ANGPT2: variants seen among roughly 807,000 people sequenced by gnomAD.
ANGPT2 encodes the protein angiopoietin-2.
A neutral mutation model predicts 62.9 loss-of-function variants in ANGPT2; 28 were observed. The observed-to-expected ratio is 0.44, with a 90% CI of 0.33 to 0.61. The LOEUF (loss-of-function observed/expected upper bound fraction) is 0.61. Among genes scored for constraint, ANGPT2 ranks in the 20% least tolerant of loss-of-function variants. ANGPT2 has a pLI of 0.03. For missense variants in ANGPT2, 727 were observed against 594.9 expected (o/e 1.22, Z -2.31); for synonymous variants, 284 against 207.8 (o/e 1.37, Z -3.15).
intron 1 of ANGPT2, among the ~76,000 whole-genome samples, chr8:6,541,458 A>G (rs952414383): frequency 6.6e-6 from 1 of 152,102 alleles, no homozygotes; most frequent in South Asian, 2.1e-4. Context: ...TTTCTAGTAG[A>G]TTGGGGCAGG....
At chr8:6,505,823 A>G (rs1563308542) in intron 8 of ANGPT2, among the ~76,000 whole-genome samples, 3 of 139,906 alleles carry the variant, frequency 2.1e-5, no homozygotes, top group Non-Finnish European at 4.6e-5. Flanking sequence ...ATATATGTAT[A>G]TATAAAAACA....
At chr8:6,540,574 CA>C in intron 1 of ANGPT2, among the ~76,000 whole-genome samples, 1 of 152,184 alleles carries the variant, frequency 6.6e-6, no homozygotes, top group Admixed American at 6.5e-5. Context: ...GGAGCAAATA[CA>C]GTGCAACAGA....
At chr8:6,534,210 A>G (rs1451595755) in intron 1 of ANGPT2, among the ~76,000 whole-genome samples, 5 of 152,236 alleles carry the variant, frequency 3.3e-5, no homozygotes, top group African/African-American at 1.2e-4. Flanking sequence ...TATTTTAAAA[A>G]AAAAATAACA....
Position 6,503,149 on chromosome 8 carries a change from G to C in ANGPT2, c.1440C>G (p.Gly480=), listed in dbSNP as rs757132919. The change falls in exon 9 of 9, where the codon GGC becomes GGG. Residue 480 remains glycine, a synonymous_variant. Coordinates refer to ENST00000629816, the MANE Select transcript of ANGPT2 (RefSeq NM_001118887.2). ...TCATGGTTGTGGCCTTGAGCGAATA[G>C]CCTGAGCCTTTCCAGTAGTACCATT... ...GIKWYYWKGS[G]YSLKATTMMI... 1 of 1,614,156 alleles carries C rather than the reference G, an allele frequency of 6.2e-7. No homozygotes were observed. Among genetic ancestry groups the C allele is most frequent in the Non-Finnish European group, 8.5e-7 (1 of 1,180,028 alleles).
chr8:6,511,025 C>T (rs1287551338), intron 7 of ANGPT2, among the ~76,000 whole-genome samples: 4 of 152,162 alleles, frequency 2.6e-5, no homozygotes, highest in African/African-American at 7.2e-5. Flanking sequence ...TAATCATAGA[C>T]AGGATTGAGA....
At chr8:6,533,273 C>G (rs927146878) in intron 1 of ANGPT2, among the ~76,000 whole-genome samples, 2 of 152,212 alleles carry the variant, frequency 1.3e-5, no homozygotes, top group Admixed American at 1.3e-4. Context: ...AAGGAAGAAG[C>G]TCATTTCACT....
At position 6,502,280 on chromosome 8, in the gene ANGPT2, G is replaced by C. The variant is rs1269693757; in HGVS notation, c.*821C>G. 1 of 152,056 alleles carries C rather than the reference G, an allele frequency of 6.6e-6. No individual in the cohort carries two copies. The highest frequency in any genetic ancestry group is 1.5e-5 in the Non-Finnish European group (1 of 68,004). 9.4% of individuals were successfully genotyped at this position (152,056 alleles called of 1,614,324 possible). ...TAAAATTGTAAATATTATCATAAAA[G>C]TTAAACATAGGCATATCCCCTAATA... On this transcript the variant is annotated 3_prime_UTR_variant, in exon 9 of 9. Transcript: ENST00000629816.
intron 5 of ANGPT2, among the ~76,000 whole-genome samples, chr8:6,515,715 A>G (rs1156697893): frequency 6.6e-6 from 1 of 152,246 alleles, no homozygotes; most frequent in Non-Finnish European, 1.5e-5. Context: ...TCTGCCACAT[A>G]CAAGGTAGGA....
intron 5 of ANGPT2, 73 bp downstream of exon 5, chr8:6,519,791 C>T (rs962302409): frequency 2.6e-6 from 4 of 1,546,166 alleles, no homozygotes; most frequent in Non-Finnish European, 3.5e-6. Context: ...GAGACTTCTG[C>T]TCTCTGGTTC....
chr8:6,521,428 T>C lies in ANGPT2; in HGVS notation c.567-18A>G. ...CTAGGAAACTTGTAAGGAAAAGAAT[T>C]GTTAGTTAGTGAAGGCTATTCTAAT... On this transcript the variant is annotated intron_variant, in intron 3 of 8. Coordinates refer to ENST00000629816, the MANE Select transcript of ANGPT2 (RefSeq NM_001118887.2). 1 of 1,535,922 alleles carries C rather than the reference T, an allele frequency of 6.5e-7. No individual in the cohort carries two copies. Among genetic ancestry groups the C allele is most frequent in the Non-Finnish European group, 8.9e-7 (1 of 1,119,136 alleles).
chr8:6,542,571 C>T (rs138145431), intron 1 of ANGPT2, among the ~76,000 whole-genome samples: 7 of 151,316 alleles, frequency 4.6e-5, no homozygotes, highest in East Asian at 1.9e-4. Context: ...GCACTCTCAT[C>T]GCTGTACTGA....
chr8:6,505,733 A>G (rs753846228), intron 8 of ANGPT2, among the ~76,000 whole-genome samples: 229 of 133,840 alleles, frequency 1.7e-3, no homozygotes, highest in Non-Finnish European at 2.8e-3. Context: ...TATATATTCT[A>G]TATATATTCT....
At chr8:6,514,621 G>C in intron 6 of ANGPT2, 56 bp downstream of exon 6, 2 of 1,489,640 alleles carry the variant, frequency 1.3e-6, no homozygotes, top group Non-Finnish European at 9.4e-7. Context: ...CGCAGATCTT[G>C]AAAGCTATTT....
At chr8:6,516,592 G>A (rs532279669) in intron 5 of ANGPT2, among the ~76,000 whole-genome samples, 3 of 152,320 alleles carry the variant, frequency 2.0e-5, no homozygotes, top group South Asian at 4.2e-4. Flanking sequence ...AATGGTCAGT[G>A]CTGCTCACTT....
At chr8:6,518,133 G>A (rs1816638104) in intron 5 of ANGPT2, among the ~76,000 whole-genome samples, 1 of 152,180 alleles carries the variant, frequency 6.6e-6, no homozygotes, top group Non-Finnish European at 1.5e-5. Flanking sequence ...CTTAGACTGA[G>A]AAACATAGAT....
chr8:6,500,329 C>G lies in ANGPT2; in HGVS notation c.*2772G>C, dbSNP rs1419090252. ...GATAACAGTATTTATATTTTTATGGCTTTCCTAAATTCCACTTCAACTTTC... is the reference window on the plus strand; with the variant it reads ...GATAACAGTATTTATATTTTTATGGGTTTCCTAAATTCCACTTCAACTTTC... On this transcript the variant is annotated 3_prime_UTR_variant, in exon 9 of 9. Transcript: ENST00000629816. 1 of 163,358 alleles carries G rather than the reference C, an allele frequency of 6.1e-6. No homozygotes were observed. The highest frequency in any genetic ancestry group is 1.3e-5 in the Non-Finnish European group (1 of 74,578). 10.1% of individuals were successfully genotyped at this position (163,358 alleles called of 1,614,324 possible).
At chr8:6,527,716 A>C in intron 2 of ANGPT2, 40 bp from the exon 3 acceptor site, 2 of 1,541,878 alleles carry the variant, frequency 1.3e-6, no homozygotes, top group Non-Finnish European at 1.8e-6. Context: ...ATTATTTTTT[A>C]ATTAGTTTAA....
intron 1 of ANGPT2, among the ~76,000 whole-genome samples, chr8:6,545,544 T>C (rs1822432286): frequency 6.6e-6 from 1 of 152,240 alleles, no homozygotes; most frequent in Non-Finnish European, 1.5e-5. Flanking sequence ...TAGAGAACTG[T>C]GGATTAAACC....
At chr8:6,556,859 G>A (rs1482485482) in intron 1 of ANGPT2, among the ~76,000 whole-genome samples, 1 of 152,084 alleles carries the variant, frequency 6.6e-6, no homozygotes, top group Non-Finnish European at 1.5e-5. Flanking sequence ...AAAGCTCTAG[G>A]ATTACAGGTG....
Sources: gnomAD v4.1 joint callset for allele counts (sites outside exome capture counted in the v4.1 genomes callset) on GRCh38, gnomAD v4.1.1 for gene constraint, MANE v1.5 for transcripts, NCBI Gene and HGNC (gene_info 2026-07-23, HGNC 2026-07-21) for gene names.